Variants in PARD3 observed in about 807,000 individuals in gnomAD.
PARD3 encodes the protein par-3 family cell polarity regulator.
PARD3 carries 75 observed loss-of-function variants against 155.4 expected under a neutral mutation model. The observed-to-expected ratio is 0.48, with a 90% CI of 0.40 to 0.58. PARD3 has a LOEUF of 0.58. PARD3 is among the 20% of genes least tolerant of loss of function. PARD3 has a pLI of 0.00. For synonymous variants in PARD3, 576 were observed against 610.5 expected, an observed-to-expected ratio of 0.94 and a Z score of 0.83; for missense variants, 1,642 against 1,721.7, an observed-to-expected ratio of 0.95 and a Z score of 0.82.
At chr10:34,594,995 C>T (rs948325907) in intron 2 of PARD3, among the ~76,000 whole-genome samples, 8 of 152,238 alleles carry the variant, frequency 5.3e-5, no homozygotes, top group Admixed American at 1.3e-4. Flanking sequence ...CTAAAACACA[C>T]AGGACAGAGC....
At chr10:34,179,448 A>C (rs1950178059) in intron 22 of PARD3, among the ~76,000 whole-genome samples, 1 of 152,248 alleles carries the variant, frequency 6.6e-6, no homozygotes, top group Admixed American at 6.5e-5. Flanking sequence ...GTGGAGGAAA[A>C]GCACAGCTTC....
intron 22 of PARD3, among the ~76,000 whole-genome samples, chr10:34,232,210 G>A (rs1952970438): frequency 6.6e-6 from 1 of 152,070 alleles, no homozygotes; most frequent in Non-Finnish European, 1.5e-5. Context: ...GTCCAGATAT[G>A]AGATATTTGG....
chr10:34,166,690 C>T (rs1052326571), intron 22 of PARD3, among the ~76,000 whole-genome samples: 2 of 151,986 alleles, frequency 1.3e-5, no homozygotes, highest in Admixed American at 6.6e-5. Flanking sequence ...CTGCCCGATG[C>T]CCCTTCCTTC....
chr10:34,246,647 T>C (rs1588921257), intron 22 of PARD3, among the ~76,000 whole-genome samples: 1 of 149,320 alleles, frequency 6.7e-6, no homozygotes, highest in South Asian at 2.1e-4. Context: ...GAAAATCCTA[T>C]AAGCCCAGAC....
chr10:34,581,182 T>C (rs1255585340), intron 2 of PARD3, among the ~76,000 whole-genome samples: 1 of 151,848 alleles, frequency 6.6e-6, no homozygotes, highest in Non-Finnish European at 1.5e-5. Flanking sequence ...TATTTGGGAT[T>C]CTTGGGAAAT....
intron 1 of PARD3, among the ~76,000 whole-genome samples, chr10:34,702,460 A>T (rs1049308918): frequency 6.6e-6 from 1 of 152,200 alleles, no homozygotes; most frequent in Non-Finnish European, 1.5e-5. Flanking sequence ...CAGCTTCCCA[A>T]TGCTTCCAGA....
intron 5 of PARD3, among the ~76,000 whole-genome samples, chr10:34,433,700 G>A (rs773959): frequency 0.016 from 2,393 of 152,200 alleles, 61 homozygotes; most frequent in African/African-American, 0.054. Flanking sequence ...TTCAATGTAA[G>A]AAAATATATA....
chr10:34,311,570 T>G (rs974677245), intron 20 of PARD3, among the ~76,000 whole-genome samples: 1 of 152,236 alleles, frequency 6.6e-6, no homozygotes, highest in South Asian at 2.1e-4. Context: ...ATTCGAACAC[T>G]TGGCCGGGCA....
rs1285839386 is a variant in PARD3, at chr10:34,187,057, ACTGGCCCAG to A, written c.3420-55483_3420-55475del. Among the ~76,000 whole-genome samples, 15 of 152,322 alleles carry A rather than the reference ACTGGCCCAG, an allele frequency of 9.8e-5. No homozygotes were observed. In the South Asian group the frequency reaches 2.5e-3, roughly 25 times the overall value. Reference sequence around the variant, plus strand: ...GAGCATTACCTTCTGGAGCCCCAGCACTGGCCCAGCTGTGAACAATGAGTGGTGTTTCAG... The same window carrying A: ...GAGCATTACCTTCTGGAGCCCCAGCACTGTGAACAATGAGTGGTGTTTCAG... On this transcript the variant is annotated intron_variant, in intron 22 of 24. Transcript: ENST00000374788.
chr10:34,151,957 T>TAC (rs151137154), intron 22 of PARD3, among the ~76,000 whole-genome samples: 1,578 of 152,290 alleles, frequency 0.01, 23 homozygotes, highest in African/African-American at 0.035. Flanking sequence ...ACATATATAG[T>TAC]ACTAAGGAAT....
At chr10:34,252,121 G>T (rs1451776470) in intron 22 of PARD3, among the ~76,000 whole-genome samples, 2 of 152,148 alleles carry the variant, frequency 1.3e-5, no homozygotes, top group Non-Finnish European at 2.9e-5. Context: ...TGCTGGGGAG[G>T]GGGAGGGGAG....
chr10:34,407,007 C>T (rs1005680076), intron 5 of PARD3, among the ~76,000 whole-genome samples: 2 of 152,046 alleles, frequency 1.3e-5, no homozygotes, highest in Non-Finnish European at 2.9e-5. Context: ...CTCTTATCTT[C>T]CATATGGCAA....
chr10:34,237,645 A>C (rs771884810), intron 22 of PARD3, among the ~76,000 whole-genome samples: 6 of 152,214 alleles, frequency 3.9e-5, no homozygotes, highest in Admixed American at 6.5e-5. Context: ...GAACATATAC[A>C]AGTGAATATA....
chr10:34,217,383 C>T (rs1284736221), intron 22 of PARD3, among the ~76,000 whole-genome samples: 2 of 152,032 alleles, frequency 1.3e-5, no homozygotes, highest in Non-Finnish European at 2.9e-5. Context: ...TCATTTTCTA[C>T]CCTTGTAAAA....
chr10:34,285,666 T>C (rs1448431676), intron 20 of PARD3, among the ~76,000 whole-genome samples: 1 of 152,110 alleles, frequency 6.6e-6, no homozygotes, highest in Non-Finnish European at 1.5e-5. Flanking sequence ...AATGGCTTGG[T>C]TGATAGCATT....
chr10:34,393,059 A>C (rs1275936772), intron 7 of PARD3, among the ~76,000 whole-genome samples: 1 of 151,532 alleles, frequency 6.6e-6, no homozygotes, highest in Non-Finnish European at 1.5e-5. Flanking sequence ...TGCCTAAAAT[A>C]CTGATTATCT....
intron 2 of PARD3, among the ~76,000 whole-genome samples, chr10:34,605,736 C>A (rs372364931): frequency 1.6e-4 from 3 of 18,960 alleles, no homozygotes; most frequent in Admixed American, 9.3e-4. Context: ...ATATATATAT[C>A]TCCTATATAT....
intron 22 of PARD3, among the ~76,000 whole-genome samples, chr10:34,162,055 G>A (rs1005544170): frequency 2.0e-5 from 3 of 152,194 alleles, no homozygotes; most frequent in African/African-American, 7.2e-5. Context: ...GATAGAGGCA[G>A]GAGGCAGAGA....
chr10:34,480,794 CTT>C (rs61461165), intron 3 of PARD3, among the ~76,000 whole-genome samples: 3,938 of 125,826 alleles, frequency 0.031, 78 homozygotes, highest in African/African-American at 0.11. Context: ...GTTTCTTTTT[CTT>C]TTTTTTTTTT....
Sources: allele counts gnomAD v4.1 joint callset (sites outside exome capture counted in the v4.1 genomes callset), GRCh38; gene constraint gnomAD v4.1.1; transcripts MANE v1.5; gene names NCBI Gene and HGNC (gene_info 2026-07-23, HGNC 2026-07-21).